Variants in MSRB3 observed in about 807,000 individuals in gnomAD.
MSRB3 encodes methionine-R-sulfoxide reductase B3.
In MSRB3, 13 loss-of-function variants were observed where a neutral mutation model predicts 21.0. The observed-to-expected ratio is 0.62, with a 90% CI of 0.40 to 0.98. MSRB3 has a LOEUF of 0.98. Among genes scored for constraint, MSRB3 ranks in the 50% least tolerant of loss-of-function variants. The pLI is 0.00. For missense variants in MSRB3, 199 were observed against 230.3 expected (o/e 0.86, Z 0.88); for synonymous variants, 87 against 88.6 (o/e 0.98, Z 0.10).
chr12:65,315,340 C>T (rs1291034430), intron 2 of MSRB3, among the ~76,000 whole-genome samples: 2 of 151,586 alleles, frequency 1.3e-5, no homozygotes, highest in South Asian at 2.1e-4. Flanking sequence ...AGTATATTTA[C>T]GCTTGTATTA....
chr12:65,319,878 T>A (rs1361096778), intron 2 of MSRB3, among the ~76,000 whole-genome samples: 2 of 152,194 alleles, frequency 1.3e-5, no homozygotes, highest in African/African-American at 4.8e-5. Flanking sequence ...AGCGGTGAAC[T>A]TATCAGGATG....
At chr12:65,289,010 C>G (rs1437543672) in intron 1 of MSRB3, among the ~76,000 whole-genome samples, 1 of 152,104 alleles carries the variant, frequency 6.6e-6, no homozygotes, top group African/African-American at 2.4e-5. Context: ...TACCCTCATC[C>G]AGCTTCAGAA....
At chr12:65,391,171 A>G (rs1382505585) in intron 5 of MSRB3, among the ~76,000 whole-genome samples, 1 of 152,234 alleles carries the variant, frequency 6.6e-6, no homozygotes, top group Non-Finnish European at 1.5e-5. Context: ...GGAACTCTTC[A>G]GTGAATGATG....
chr12:65,289,131 C>T (rs1872546517), intron 1 of MSRB3, among the ~76,000 whole-genome samples: 1 of 152,128 alleles, frequency 6.6e-6, no homozygotes, highest in African/African-American at 2.4e-5. Context: ...ACCTTGCTTT[C>T]TTTATAGTTT....
chr12:65,440,114 G>T (rs2336717), intron 5 of MSRB3, among the ~76,000 whole-genome samples: 2 of 151,406 alleles, frequency 1.3e-5, no homozygotes, highest in Non-Finnish European at 3.0e-5. Context: ...TTGGTAGCCC[G>T]ATTGGTATTC....
intron 4 of MSRB3, among the ~76,000 whole-genome samples, chr12:65,351,609 A>T (rs1310477183): frequency 1.3e-5 from 2 of 149,336 alleles, no homozygotes; most frequent in Admixed American, 6.6e-5. Context: ...AAATAGACAC[A>T]ATAAAAAATG....
At chr12:65,350,323 T>G (rs1204640932) in intron 4 of MSRB3, among the ~76,000 whole-genome samples, 2 of 151,968 alleles carry the variant, frequency 1.3e-5, no homozygotes, top group Non-Finnish European at 2.9e-5. Flanking sequence ...CCTTGCAGTA[T>G]AGTTTGAAGT....
At chr12:65,303,208 A>C (rs1873446875) in intron 1 of MSRB3, among the ~76,000 whole-genome samples, 1 of 152,120 alleles carries the variant, frequency 6.6e-6, no homozygotes, top group Non-Finnish European at 1.5e-5. Flanking sequence ...CAGCTCATTT[A>C]TTCTGGAGCT....
At chr12:65,460,207 G>T (rs893347846) in intron 6 of MSRB3, among the ~76,000 whole-genome samples, 2 of 152,184 alleles carry the variant, frequency 1.3e-5, no homozygotes, top group Non-Finnish European at 2.9e-5. Flanking sequence ...CCAACACATT[G>T]CCAGTTGGCT....
At chr12:65,365,662 A>G (rs1393253428) in intron 4 of MSRB3, among the ~76,000 whole-genome samples, 4 of 152,226 alleles carry the variant, frequency 2.6e-5, no homozygotes, top group African/African-American at 4.8e-5. Flanking sequence ...AAGAGGACAA[A>G]TGGTAGCATA....
intron 1 of MSRB3, among the ~76,000 whole-genome samples, chr12:65,306,291 G>T (rs1054063265): frequency 1.5e-4 from 23 of 152,310 alleles, no homozygotes; most frequent in African/African-American, 5.3e-4. Context: ...AAAAATACAT[G>T]TTAGAGCCAT....
chr12:65,369,682 A>G (rs2136534654), intron 5 of MSRB3, among the ~76,000 whole-genome samples: 1 of 152,258 alleles, frequency 6.6e-6, no homozygotes, highest in South Asian at 2.1e-4. Flanking sequence ...TATGTGCTTC[A>G]AAGTTTCTGA....
Position 65,356,720 on chromosome 12 carries a change from A to G in MSRB3, c.264-12278A>G, listed in dbSNP as rs372820679. 2.6e-4 allele frequency among the ~76,000 whole-genome samples: 39 copies of G among 152,006 alleles called. No homozygotes were observed. In the East Asian group the frequency reaches 7.0e-3, roughly 27 times the overall value. On this transcript the variant is annotated intron_variant, in intron 4 of 6. Transcript: ENST00000308259. ...AGTGGTTCTCAGGATTAGCTAGAGA[A>G]CTTAAAAGTATAGATTTCCAAATTC... is the stretch of plus-strand genomic sequence containing the variant.
intron 5 of MSRB3, among the ~76,000 whole-genome samples, chr12:65,404,257 G>A (rs1880291887): frequency 6.6e-6 from 1 of 152,140 alleles, no homozygotes; most frequent in Non-Finnish European, 1.5e-5. Context: ...CTTTTTTAGT[G>A]GTTGCCCTGG....
chr12:65,320,146 A>G (rs1874567960), intron 2 of MSRB3, among the ~76,000 whole-genome samples: 1 of 152,228 alleles, frequency 6.6e-6, no homozygotes, highest in Non-Finnish European at 1.5e-5. Context: ...GTCTTATGTG[A>G]AGTAAAACAG....
chr12:65,377,149 C>T (rs975755435), intron 5 of MSRB3, among the ~76,000 whole-genome samples: 3 of 152,220 alleles, frequency 2.0e-5, no homozygotes, highest in Non-Finnish European at 4.4e-5. Context: ...CCATCTGTTT[C>T]TTTGTGCAAA....
rs144266196 is a variant in MSRB3 at position 65,388,890 on chromosome 12, A to G, written c.292+19864A>G. Among the ~76,000 whole-genome samples the G allele has an allele frequency of 5.1e-4, 77 of 152,290 alleles. No homozygotes were observed. The East Asian group carries it at 0.014, about 27-fold the overall frequency. ...TGTCAAAAGAAAAGAAGAGAAGAGAAGAGAAAAGCTTTTTAATTTGAATAT... is the reference window on the plus strand; with the variant it reads ...TGTCAAAAGAAAAGAAGAGAAGAGAGGAGAAAAGCTTTTTAATTTGAATAT... On this transcript the variant is annotated intron_variant, in intron 5 of 6. Coordinates refer to ENST00000308259, the MANE Select transcript of MSRB3 (RefSeq NM_001031679.3).
At chr12:65,404,299 A>G (rs1026814323) in intron 5 of MSRB3, among the ~76,000 whole-genome samples, 1 of 152,180 alleles carries the variant, frequency 6.6e-6, no homozygotes, top group African/African-American at 2.4e-5. Flanking sequence ...ACTAATCCAA[A>G]CCCACTTTCA....
At chr12:65,342,504 T>A (rs1336787818) in intron 4 of MSRB3, among the ~76,000 whole-genome samples, 1 of 152,006 alleles carries the variant, frequency 6.6e-6, no homozygotes, top group African/African-American at 2.4e-5. Flanking sequence ...TATAGGAAAT[T>A]AGCACTTTCA....
Sources: allele counts gnomAD v4.1 joint callset (sites outside exome capture counted in the v4.1 genomes callset), GRCh38; gene constraint gnomAD v4.1.1; transcripts MANE v1.5; gene names NCBI Gene and HGNC (gene_info 2026-07-23, HGNC 2026-07-21).